Variants in CCSER1 observed in about 807,000 individuals in gnomAD.
The protein encoded by CCSER1 is serine-rich coiled-coil domain-containing protein 1.
CCSER1 carries 41 observed loss-of-function variants against 82.0 expected under a neutral mutation model. That is an observed-to-expected ratio of 0.50 (90% confidence interval 0.39 to 0.65). The LOEUF is 0.65. Among genes scored for constraint, CCSER1 ranks in the 30% least tolerant of loss-of-function variants. The pLI is 0.00. For missense variants in CCSER1, 1,119 were observed against 1,064.2 expected (o/e 1.05, Z -0.72); for synonymous variants, 414 against 383.9 (o/e 1.08, Z -0.92).
intron 10 of CCSER1, among the ~76,000 whole-genome samples, chr4:91,191,913 C>T (rs538775299): frequency 6.6e-6 from 1 of 152,204 alleles, no homozygotes; most frequent in South Asian, 2.1e-4. Flanking sequence ...TTGCTTGCAG[C>T]CTAGAACCTT....
chr4:90,431,016 T>C (rs1758205915), intron 4 of CCSER1, among the ~76,000 whole-genome samples: 1 of 152,066 alleles, frequency 6.6e-6, no homozygotes, highest in African/African-American at 2.4e-5. Flanking sequence ...ATGGATGGCC[T>C]GTTTTTAGTT....
chr4:91,422,053 CTGGAAGTAAAT>C (rs1753709468), intron 10 of CCSER1, among the ~76,000 whole-genome samples: 4 of 152,094 alleles, frequency 2.6e-5, no homozygotes, highest in Admixed American at 2.6e-4. Flanking sequence ...CTGCAAGTGC[CTGGAAGTAAAT>C]TCTCTTCCAG....
At chr4:91,075,014 T>A (rs967618684) in intron 9 of CCSER1, among the ~76,000 whole-genome samples, 3 of 152,172 alleles carry the variant, frequency 2.0e-5, no homozygotes, top group South Asian at 2.1e-4. Context: ...GAAATCCTTA[T>A]GACATGATAG....
At chr4:90,722,193 T>G (rs1742794972) in intron 6 of CCSER1, among the ~76,000 whole-genome samples, 1 of 151,844 alleles carries the variant, frequency 6.6e-6, no homozygotes, top group African/African-American at 2.4e-5. Flanking sequence ...CAAATGAATG[T>G]CATCTATGTC....
chr4:90,644,723 A>G (rs999922477), intron 6 of CCSER1, among the ~76,000 whole-genome samples: 1 of 151,370 alleles, frequency 6.6e-6, no homozygotes, highest in Non-Finnish European at 1.5e-5. Context: ...GTAGTGTTTG[A>G]TTTTCTGTGC....
chr4:91,411,765 G>T, intron 10 of CCSER1, among the ~76,000 whole-genome samples: 1 of 148,170 alleles, frequency 6.7e-6, no homozygotes, highest in African/African-American at 2.5e-5. Context: ...AAAATGTTTT[G>T]GATGAACAAG....
intron 1 of CCSER1, among the ~76,000 whole-genome samples, chr4:90,231,996 T>A (rs929790783): frequency 5.9e-5 from 9 of 151,858 alleles, no homozygotes; most frequent in Non-Finnish European, 1.2e-4. Context: ...TGGAAGAACA[T>A]TCCATGCTCA....
intron 10 of CCSER1, among the ~76,000 whole-genome samples, chr4:91,171,831 C>G (rs1366872003): frequency 1.3e-5 from 2 of 151,892 alleles, no homozygotes; most frequent in Non-Finnish European, 2.9e-5. Context: ...AAACTGTCAC[C>G]ATGAAAAATA....
chr4:90,713,382 T>C (rs1174115032), intron 6 of CCSER1, among the ~76,000 whole-genome samples: 2 of 152,054 alleles, frequency 1.3e-5, no homozygotes, highest in African/African-American at 4.8e-5. Context: ...AAAATGATCT[T>C]ATTTCTCTTT....
intron 10 of CCSER1, among the ~76,000 whole-genome samples, chr4:91,321,551 G>A (rs1746195381): frequency 6.6e-6 from 1 of 152,036 alleles, no homozygotes; most frequent in Non-Finnish European, 1.5e-5. Flanking sequence ...GCTATTCGAA[G>A]TCAGTCCATT....
At chr4:91,517,682 G>T (rs973237537) in intron 10 of CCSER1, among the ~76,000 whole-genome samples, 171 of 151,752 alleles carry the variant, frequency 1.1e-3, no homozygotes, top group Non-Finnish European at 3.1e-4. Flanking sequence ...TCATTTGGAA[G>T]AAAGAATATA....
intron 4 of CCSER1, chr4:90,404,235 A>C (rs1345710524): frequency 1.3e-5 from 2 of 152,238 alleles, no homozygotes; most frequent in Non-Finnish European, 2.9e-5. Context: ...CAGCAGAGGC[A>C]GCCATAATCC....
chr4:90,544,589 T>C (rs1052285831), intron 5 of CCSER1, among the ~76,000 whole-genome samples: 1 of 152,098 alleles, frequency 6.6e-6, no homozygotes, highest in Non-Finnish European at 1.5e-5. Context: ...CTCTGTTATG[T>C]AATCATGGTC....
At chr4:90,261,011 T>C (rs990425171) in intron 1 of CCSER1, among the ~76,000 whole-genome samples, 14 of 152,154 alleles carry the variant, frequency 9.2e-5, no homozygotes, top group African/African-American at 3.4e-4. Flanking sequence ...GCACCACACC[T>C]GGCTAGGTGT....
At chr4:90,959,299 T>C (rs1733823095) in intron 9 of CCSER1, among the ~76,000 whole-genome samples, 3 of 152,186 alleles carry the variant, frequency 2.0e-5, no homozygotes, top group Admixed American at 2.0e-4. Context: ...ATAATACGTG[T>C]CAATAATACG....
At chr4:90,784,613 T>G (rs2149628091) in intron 7 of CCSER1, among the ~76,000 whole-genome samples, 1 of 152,258 alleles carries the variant, frequency 6.6e-6, no homozygotes, top group African/African-American at 2.4e-5. Context: ...ACCTATCTAG[T>G]TTGTTATGCA....
chr4:91,586,974 A>T (rs2110330129), intron 10 of CCSER1, among the ~76,000 whole-genome samples: 1 of 151,912 alleles, frequency 6.6e-6, no homozygotes. Flanking sequence ...AATAATAAAT[A>T]GTGAAGAAAG....
chr4:90,276,251 T>TTTCTTCCC (rs1727659770), intron 1 of CCSER1, among the ~76,000 whole-genome samples: 23 of 76,826 alleles, frequency 3.0e-4, no homozygotes, highest in African/African-American at 1.1e-3. Context: ...TCTTTCTTTC[T>TTTCTTCCC]TTCCTTCCTT....
intron 10 of CCSER1, among the ~76,000 whole-genome samples, chr4:91,251,684 CAT>C (rs1740272504): frequency 6.6e-6 from 1 of 152,042 alleles, no homozygotes; most frequent in South Asian, 2.1e-4. Flanking sequence ...ATATTTACGA[CAT>C]AAAAGTTTCT....
Sources: gnomAD v4.1 joint callset for allele counts (sites outside exome capture counted in the v4.1 genomes callset) on GRCh38, gnomAD v4.1.1 for gene constraint, MANE v1.5 for transcripts, NCBI Gene and HGNC (gene_info 2026-07-23, HGNC 2026-07-21) for gene names.